Variants in ASTN2 observed in about 807,000 individuals in gnomAD.
ASTN2 encodes the protein astrotactin-2.
In ASTN2, 54 loss-of-function variants were observed where a neutral mutation model predicts 139.8. The observed-to-expected ratio is 0.39, with a 90% confidence interval of 0.31 to 0.48. The LOEUF (loss-of-function observed/expected upper bound fraction) is 0.48. Among genes scored for constraint, ASTN2 ranks in the 20% least tolerant of loss-of-function variants. The pLI, the probability that ASTN2 is intolerant of heterozygous loss-of-function variation, is 0.95. For missense variants in ASTN2, 1,565 were observed against 1,725.1 expected (o/e 0.91, Z 1.64); for synonymous variants, 756 against 719.5 (o/e 1.05, Z -0.81).
intron 1 of ASTN2, among the ~76,000 whole-genome samples, chr9:117,314,229 C>A (rs959989339): frequency 4.0e-5 from 6 of 151,882 alleles, no homozygotes; most frequent in Admixed American, 1.3e-4. Context: ...AACCTCCCCA[C>A]CCCCACCATG....
chr9:116,751,290 T>C lies in ASTN2; in HGVS notation c.2397-17767A>G, dbSNP rs76385776. Among the ~76,000 whole-genome samples the C allele has an allele frequency of 2.2e-4, 34 of 152,292 alleles. No homozygotes were observed. In the East Asian group the frequency reaches 6.6e-3, roughly 29 times the overall value. ...ACAATAACTATAAACAGCCTATGTA[T>C]ATATTTGCCTGTGTGGTAGTTACTG... On this transcript the variant is annotated intron_variant, in intron 13 of 22. Transcript: ENST00000313400.
chr9:116,562,155 T>C (rs936218085), intron 19 of ASTN2: 1 of 152,212 alleles, frequency 6.6e-6, no homozygotes, highest in Non-Finnish European at 1.5e-5. Context: ...TTCCTGAAAA[T>C]TGTTCCTTTA....
chr9:116,998,549 T>TCATTCATCCATCCATCCATC lies in ASTN2; in HGVS notation c.1591+9542_1591+9543insGATGGATGGATGGATGAATG, dbSNP rs1554767975. On this transcript the variant is annotated intron_variant, in intron 7 of 22. Coordinates refer to ENST00000313400, the MANE Select transcript of ASTN2 (RefSeq NM_001365068.1). ...CACTTTAGCAGCTGAAATTTGATTT[T>TCATTCATCCATCCATCCATC]CATCCATCCATCCATCCATCCATAC... 1.6e-3 allele frequency among the ~76,000 whole-genome samples: 246 copies of TCATTCATCCATCCATCCATC among 150,670 alleles called. 1 individual carries two copies. Among genetic ancestry groups the TCATTCATCCATCCATCCATC allele is most frequent in the Admixed American group, 3.6e-3 (54 of 15,104 alleles).
chr9:116,855,030 G>T (rs1371103951), intron 11 of ASTN2, among the ~76,000 whole-genome samples: 2 of 152,030 alleles, frequency 1.3e-5, no homozygotes, highest in Admixed American at 6.6e-5. Context: ...AAGGGGGGCT[G>T]CTTCCTGACT....
chr9:116,728,038 G>A lies in ASTN2; in HGVS notation c.2626+954C>T, dbSNP rs191390908. ...TAGAGGACACTCAGACAATAAACCA[G>A]TGAAAGTGTTATTAGTAAGAGTTAG... On this transcript the variant is annotated intron_variant, in intron 15 of 22. Transcript: ENST00000313400. 2.0e-5 allele frequency among the ~76,000 whole-genome samples: 3 copies of A among 152,290 alleles called. No homozygotes were observed. In the East Asian group the frequency reaches 5.8e-4, roughly 29 times the overall value.
chr9:116,567,021 CT>C (rs1404285449), intron 19 of ASTN2, among the ~76,000 whole-genome samples: 4 of 152,196 alleles, frequency 2.6e-5, no homozygotes, highest in Non-Finnish European at 5.9e-5. Context: ...AGGATCCAAG[CT>C]AACACACTAT....
intron 13 of ASTN2, among the ~76,000 whole-genome samples, chr9:116,788,788 G>C (rs1452823250): frequency 6.6e-6 from 1 of 151,874 alleles, no homozygotes; most frequent in Non-Finnish European, 1.5e-5. Context: ...CTATGACAAG[G>C]GGTGACAGTA....
At chr9:117,174,734 G>T (rs1315701959) in intron 3 of ASTN2, among the ~76,000 whole-genome samples, 2 of 151,980 alleles carry the variant, frequency 1.3e-5, no homozygotes, top group African/African-American at 4.8e-5. Flanking sequence ...TTAATAAATT[G>T]TAATATCCAA....
intron 3 of ASTN2, among the ~76,000 whole-genome samples, 158 bp from the exon 4 acceptor site, chr9:117,141,636 T>C (rs1340729444): frequency 6.6e-6 from 1 of 152,124 alleles, no homozygotes; most frequent in Non-Finnish European, 1.5e-5. Context: ...CCATTGAAGA[T>C]ATAGAATCAA....
At chr9:116,510,364 A>G (rs1255213060) in intron 19 of ASTN2, among the ~76,000 whole-genome samples, 1 of 151,830 alleles carries the variant, frequency 6.6e-6, no homozygotes, top group Non-Finnish European at 1.5e-5. Flanking sequence ...CCATTGGTCT[A>G]TATCTCTGGG....
chr9:116,863,867 A>G (rs1832955758), intron 10 of ASTN2, 134 bp from the exon 11 acceptor site: 1 of 1,021,254 alleles, frequency 9.8e-7, no homozygotes, highest in African/African-American at 1.6e-5. Context: ...CAATATTATA[A>G]AAAGGAAACA....
At chr9:116,536,010 G>T (rs1447687570) in intron 19 of ASTN2, among the ~76,000 whole-genome samples, 1 of 151,976 alleles carries the variant, frequency 6.6e-6, no homozygotes, top group African/African-American at 2.4e-5. Flanking sequence ...ATGTAGGTTT[G>T]GTCTGTTCAC....
chr9:117,216,881 G>GT (rs1186157344), intron 2 of ASTN2, among the ~76,000 whole-genome samples: 1 of 152,116 alleles, frequency 6.6e-6, no homozygotes, highest in Admixed American at 6.5e-5. Flanking sequence ...TTTACTGAAT[G>GT]TTTTTTTATT....
At chr9:116,908,250 A>G (rs1834219312) in intron 10 of ASTN2, among the ~76,000 whole-genome samples, 2 of 152,200 alleles carry the variant, frequency 1.3e-5, no homozygotes, top group African/African-American at 4.8e-5. Flanking sequence ...TTTAGGGTTT[A>G]TCAGATAAGG....
chr9:116,663,443 G>A (rs558151501), intron 16 of ASTN2, among the ~76,000 whole-genome samples: 2 of 152,228 alleles, frequency 1.3e-5, no homozygotes, highest in South Asian at 2.1e-4. Flanking sequence ...TTTCCTGGGG[G>A]TTCACAGTCT....
At chr9:117,328,647 C>A (rs1828600015) in intron 1 of ASTN2, among the ~76,000 whole-genome samples, 1 of 152,192 alleles carries the variant, frequency 6.6e-6, no homozygotes, top group South Asian at 2.1e-4. Context: ...TTAGTGGCCT[C>A]ATTTTTCATC....
intron 11 of ASTN2, among the ~76,000 whole-genome samples, chr9:116,824,646 T>C (rs1831576201): frequency 6.6e-6 from 1 of 152,226 alleles, no homozygotes; most frequent in Non-Finnish European, 1.5e-5. Flanking sequence ...TGCTTTTGAA[T>C]TTCTGACCCT....
chr9:116,951,572 A>C (rs1006159101), intron 10 of ASTN2, among the ~76,000 whole-genome samples: 6 of 152,088 alleles, frequency 3.9e-5, no homozygotes, highest in Non-Finnish European at 8.8e-5. Context: ...AGTGCATGAG[A>C]TCAGGGTCAG....
chr9:116,790,677 A>G (rs1241197261), intron 13 of ASTN2, among the ~76,000 whole-genome samples: 1 of 138,216 alleles, frequency 7.2e-6, no homozygotes, highest in East Asian at 2.1e-4. Context: ...ATCTCCAGAG[A>G]TTTTTTTTTT....
Sources: allele counts gnomAD v4.1 joint callset (sites outside exome capture counted in the v4.1 genomes callset), GRCh38; gene constraint gnomAD v4.1.1; transcripts MANE v1.5; gene names NCBI Gene and HGNC (gene_info 2026-07-23, HGNC 2026-07-21).